The following GALNT17 variants were observed in gnomAD, a reference collection of about 807,000 sequenced individuals.
The protein encoded by GALNT17 is polypeptide N-acetylgalactosaminyltransferase 17, also known as UDP-GalNAc:polypeptide N-acetylgalactosaminyltransferase-like 3.
A neutral mutation model predicts 63.7 loss-of-function variants in GALNT17; 29 were observed. That is an observed-to-expected ratio of 0.46 (90% CI 0.34 to 0.62). GALNT17 has a LOEUF of 0.62. Among genes scored for constraint, GALNT17 ranks in the 20% least tolerant of loss-of-function variants. The probability of loss-of-function intolerance (pLI) is 0.01; values close to 1 mark genes in which losing one functional copy is unlikely to be tolerated. For synonymous variants in GALNT17, 305 were observed against 318.3 expected, an observed-to-expected ratio of 0.96 and a Z score of 0.45; for missense variants, 603 against 799.6, an observed-to-expected ratio of 0.75 and a Z score of 2.97.
intron 8 of GALNT17, among the ~76,000 whole-genome samples, chr7:71,670,531 G>A (rs1791053181): frequency 6.6e-6 from 1 of 152,100 alleles, no homozygotes; most frequent in African/African-American, 2.4e-5. Flanking sequence ...TGTCTATGGT[G>A]TGATCATATC....
At chr7:71,289,863 G>A (rs1488958448) in intron 1 of GALNT17, among the ~76,000 whole-genome samples, 1 of 147,196 alleles carries the variant, frequency 6.8e-6, no homozygotes, top group Non-Finnish European at 1.5e-5. Flanking sequence ...TGGGCAACAA[G>A]AGCAAAACCC....
At chr7:71,540,472 T>C (rs1014970305) in intron 5 of GALNT17, among the ~76,000 whole-genome samples, 1 of 151,998 alleles carries the variant, frequency 6.6e-6, no homozygotes, top group Non-Finnish European at 1.5e-5. Flanking sequence ...TAAACAACTA[T>C]GTAGTAAGCA....
chr7:71,313,998 C>T (rs938878076), intron 1 of GALNT17, among the ~76,000 whole-genome samples: 14 of 152,044 alleles, frequency 9.2e-5, no homozygotes, highest in Non-Finnish European at 1.6e-4. Context: ...TGGAAAAAAA[C>T]GAACTTCTTC....
At chr7:71,187,957 G>A (rs1416060260) in intron 1 of GALNT17, among the ~76,000 whole-genome samples, 1 of 152,170 alleles carries the variant, frequency 6.6e-6, no homozygotes, top group African/African-American at 2.4e-5. Flanking sequence ...TCCCACATAT[G>A]CGTGAGAACA....
intron 1 of GALNT17, among the ~76,000 whole-genome samples, chr7:71,211,829 G>T (rs1026628915): frequency 6.6e-6 from 1 of 152,216 alleles, no homozygotes; most frequent in African/African-American, 2.4e-5. Context: ...ACTTGAGAAA[G>T]ATGATTTACA....
intron 1 of GALNT17, among the ~76,000 whole-genome samples, chr7:71,173,505 G>A (rs1257896909): frequency 6.6e-6 from 1 of 152,150 alleles, no homozygotes; most frequent in East Asian, 1.9e-4. Context: ...GTCGGGTGTG[G>A]TTCATGTCTG....
intron 5 of GALNT17, among the ~76,000 whole-genome samples, chr7:71,514,434 G>T (rs991059878): frequency 6.6e-6 from 1 of 151,964 alleles, no homozygotes; most frequent in Non-Finnish European, 1.5e-5. Flanking sequence ...TGGGACCTGG[G>T]GTACTGCTGT....
intron 6 of GALNT17, among the ~76,000 whole-genome samples, chr7:71,633,872 G>A (rs1790491786): frequency 3.3e-5 from 5 of 152,192 alleles, no homozygotes; most frequent in Admixed American, 3.3e-4. Context: ...TGTGCTCAGC[G>A]ACATCAAGCA....
At chr7:71,275,044 C>T (rs1343515015) in intron 1 of GALNT17, among the ~76,000 whole-genome samples, 1 of 152,080 alleles carries the variant, frequency 6.6e-6, no homozygotes, top group Non-Finnish European at 1.5e-5. Context: ...ATTGGGAGTT[C>T]GGCTCTTGAA....
intron 5 of GALNT17, among the ~76,000 whole-genome samples, chr7:71,567,621 C>T (rs1401496438): frequency 3.9e-5 from 6 of 152,172 alleles, no homozygotes; most frequent in Non-Finnish European, 5.9e-5. Flanking sequence ...CACACCACCA[C>T]GCCCAGCTAA....
At chr7:71,229,785 C>T (rs531323318) in intron 1 of GALNT17, among the ~76,000 whole-genome samples, 17 of 152,338 alleles carry the variant, frequency 1.1e-4, no homozygotes, top group African/African-American at 3.1e-4. Flanking sequence ...ATGGACCCTC[C>T]GCCTCCACCT....
rs1279269775 is a variant in GALNT17, at chr7:71,223,115, T to A, written c.238+90075T>A. 2.0e-5 allele frequency among the ~76,000 whole-genome samples: 3 copies of A among 152,194 alleles called. No individual in the cohort carries two copies. In the East Asian group the frequency reaches 5.8e-4, roughly 29 times the overall value. On this transcript the variant is annotated intron_variant, in intron 1 of 10. Coordinates refer to ENST00000333538, the MANE Select transcript of GALNT17 (RefSeq NM_022479.3). ...GATAGTTTCTTTCAGGTTTTTCCTG[T>A]AAAGTTACAGTGGAGTGTAGAGGTT... is the stretch of plus-strand genomic sequence containing the variant.
chr7:71,242,461 G>C (rs1790017037), intron 1 of GALNT17, among the ~76,000 whole-genome samples: 4 of 151,554 alleles, frequency 2.6e-5, no homozygotes, highest in Admixed American at 6.6e-5. Flanking sequence ...GTAGAGACAG[G>C]GTTTCACCAT....
chr7:71,494,675 A>G (rs1432834035), intron 5 of GALNT17, among the ~76,000 whole-genome samples: 1 of 152,076 alleles, frequency 6.6e-6, no homozygotes, highest in Non-Finnish European at 1.5e-5. Context: ...CTTTGTGATA[A>G]AGCAGAGAGA....
At chr7:71,434,956 A>T (rs1455441154) in intron 5 of GALNT17, among the ~76,000 whole-genome samples, 1 of 152,182 alleles carries the variant, frequency 6.6e-6, no homozygotes, top group Non-Finnish European at 1.5e-5. Flanking sequence ...CAGTCTGGAG[A>T]AGGCTGGTTG....
intron 6 of GALNT17, among the ~76,000 whole-genome samples, chr7:71,646,295 T>TG (rs1790674870): frequency 6.6e-6 from 1 of 152,218 alleles, no homozygotes; most frequent in African/African-American, 2.4e-5. Context: ...AAGGATGGGA[T>TG]GGAGCTCCAA....
chr7:71,160,082 A>G (rs921581640), intron 1 of GALNT17, among the ~76,000 whole-genome samples: 1 of 152,034 alleles, frequency 6.6e-6, no homozygotes, highest in African/African-American at 2.4e-5. Flanking sequence ...ACCGTACCCA[A>G]CCACCTCTGT....
rs141377551 is a variant in GALNT17, at chr7:71,312,308, C to T, written c.239-23242C>T. Among the ~76,000 whole-genome samples the T allele has an allele frequency of 3.1e-3, 479 of 152,290 alleles. 3 individuals are homozygous for T. Among genetic ancestry groups the T allele is most frequent in the African/African-American group, 0.011 (464 of 41,574 alleles). Reference sequence around the variant, plus strand: ...ATTTCTTCCTGGGCAAAGCCAACAACCCTCCCAGGCCAAGTCCCAACTTTG... The same window carrying T: ...ATTTCTTCCTGGGCAAAGCCAACAATCCTCCCAGGCCAAGTCCCAACTTTG... On this transcript the variant is annotated intron_variant, in intron 1 of 10. Coordinates refer to ENST00000333538, the MANE Select transcript of GALNT17 (RefSeq NM_022479.3).
rs558820607 is a variant in GALNT17 at position 71,683,283 on chromosome 7, C to T, written c.1500+5977C>T. Among the ~76,000 whole-genome samples, 10 of 152,196 alleles carry T rather than the reference C, an allele frequency of 6.6e-5. No individual in the cohort carries two copies. The East Asian group carries it at 9.7e-4, about 15-fold the overall frequency. On this transcript the variant is annotated intron_variant, in intron 9 of 10. Transcript: ENST00000333538. ...TTGGTGTGGCTCTCCAGCTGCCAGG[C>T]GGTCCCTCTACTCACTCATCAAAGC...
Sources: gnomAD v4.1 joint callset for allele counts (sites outside exome capture counted in the v4.1 genomes callset) on GRCh38, gnomAD v4.1.1 for gene constraint, MANE v1.5 for transcripts, NCBI Gene and HGNC (gene_info 2026-07-23, HGNC 2026-07-21) for gene names.